UBR1: variants seen among roughly 807,000 people sequenced by gnomAD.
The protein encoded by UBR1 is E3 ubiquitin-protein ligase UBR1.
UBR1 carries 102 observed loss-of-function variants against 242.1 expected under a neutral mutation model. The observed-to-expected ratio is 0.42, with a 90% CI of 0.36 to 0.50. UBR1 has a LOEUF of 0.50. Among genes scored for constraint, UBR1 ranks in the 20% least tolerant of loss-of-function variants. UBR1 has a pLI of 0.01. For synonymous variants in UBR1, 675 were observed against 684.8 expected, an observed-to-expected ratio of 0.99 and a Z score of 0.22; for missense variants, 1,772 against 2,101.8, an observed-to-expected ratio of 0.84 and a Z score of 3.07.
chr15:43,083,621 A>G (rs1001066529), intron 2 of UBR1, among the ~76,000 whole-genome samples: 23 of 151,916 alleles, frequency 1.5e-4, no homozygotes, highest in Admixed American at 3.3e-4. Flanking sequence ...ACCTCAAGTG[A>G]TCTGCCCACC....
chr15:42,966,514 C>G (rs938461656), intron 40 of UBR1, among the ~76,000 whole-genome samples: 2 of 151,972 alleles, frequency 1.3e-5, no homozygotes, highest in Admixed American at 1.3e-4. Context: ...TGGCAAAACC[C>G]CAGTCTCTAC....
Position 43,082,622 on chromosome 15 carries a change from G to C in UBR1, c.417+16C>G. 3 of 1,606,796 alleles carry C rather than the reference G, an allele frequency of 1.9e-6. No homozygotes were observed. Among genetic ancestry groups the C allele is most frequent in the Non-Finnish European group, 2.6e-6 (3 of 1,173,698 alleles). ...AGATTCCTGCTTATTCAGAGGTTAT[G>C]GTTATATTTTCTTACCTTGTAACGA... On this transcript the variant is annotated intron_variant, in intron 3 of 46. Transcript: ENST00000290650.
At chr15:42,976,591 T>TA (rs200515687) in intron 39 of UBR1, 126 bp downstream of exon 39, 3 of 1,262,976 alleles carry the variant, frequency 2.4e-6, no homozygotes, top group Non-Finnish European at 3.4e-6. Flanking sequence ...AAAAAACAGA[T>TA]AATCATTCAA....
chr15:43,085,854 T>G (rs1270168749), intron 2 of UBR1, 130 bp downstream of exon 2: 1 of 977,518 alleles, frequency 1.0e-6, no homozygotes, highest in Non-Finnish European at 1.5e-6. Context: ...AGGCAGAGGT[T>G]GCAGTGACGT....
At chr15:43,014,325 G>A (rs1379459283) in intron 29 of UBR1, among the ~76,000 whole-genome samples, 15 of 151,698 alleles carry the variant, frequency 9.9e-5, no homozygotes, top group Admixed American at 6.6e-4. Context: ...AGTGAGGAGC[G>A]TCTCTGCCTG....
At chr15:43,100,959 G>A (rs2034227077) in intron 1 of UBR1, among the ~76,000 whole-genome samples, 1 of 152,238 alleles carries the variant, frequency 6.6e-6, no homozygotes, top group Admixed American at 6.5e-5. Flanking sequence ...ATTACAGATT[G>A]TAATAATTGA....
chr15:43,102,768 A>AT (rs1164328253), intron 1 of UBR1, among the ~76,000 whole-genome samples: 1 of 151,236 alleles, frequency 6.6e-6, no homozygotes, highest in African/African-American at 2.5e-5. Flanking sequence ...TCATTCTTCC[A>AT]TTTTCCACCC....
intron 15 of UBR1, 37 bp downstream of exon 15, chr15:43,043,178 T>G (rs746750000): frequency 6.8e-6 from 11 of 1,608,998 alleles, no homozygotes; most frequent in Non-Finnish European, 8.5e-6. Flanking sequence ...GAAAGAAAGC[T>G]AATAGGTATA....
In UBR1 at chr15:43,036,187, T is replaced by G. The variant is rs1328084598; in HGVS notation, c.2181A>C (p.Thr727=). 1 of 1,612,274 alleles carries G rather than the reference T, an allele frequency of 6.2e-7. No individual in the cohort carries two copies. Among genetic ancestry groups the G allele is most frequent in the Non-Finnish European group, 8.5e-7 (1 of 1,178,432 alleles). The change falls in exon 19 of 47, where the codon ACA becomes ACC. Residue 727 remains threonine, a synonymous_variant. Coordinates refer to ENST00000290650, the MANE Select transcript of UBR1 (RefSeq NM_174916.3). The part of the protein sequence containing the change: ...LAEAFNKTIS[T]KDQDLIKQYN... ...TTTACAGGTTGTATACCTGGTCTTT[T>G]GTAGATATGGTCTTGTTAAAAGCCT...
chr15:43,099,070 C>T (rs1308499158), intron 1 of UBR1, among the ~76,000 whole-genome samples: 1 of 152,190 alleles, frequency 6.6e-6, no homozygotes, highest in Non-Finnish European at 1.5e-5. Flanking sequence ...GGCACGGTGG[C>T]TCACATCTGT....
At chr15:43,027,366 G>A (rs2033191340) in intron 22 of UBR1, among the ~76,000 whole-genome samples, 1 of 151,940 alleles carries the variant, frequency 6.6e-6, no homozygotes, top group Admixed American at 6.6e-5. Flanking sequence ...AATTAAATTT[G>A]TATTTCCATT....
At chr15:43,053,343 A>T (rs2033578793) in intron 12 of UBR1, among the ~76,000 whole-genome samples, 1 of 152,212 alleles carries the variant, frequency 6.6e-6, no homozygotes, top group African/African-American at 2.4e-5. Flanking sequence ...ACTTAACTGG[A>T]TATAAAAATA....
Position 43,007,203 on chromosome 15 carries a change from C to T in UBR1, c.3291G>A (p.Thr1097=), listed in dbSNP as rs200204694. The T allele has an allele frequency of 2.7e-5, 43 of 1,613,932 alleles. No individual in the cohort carries two copies. The highest frequency in any genetic ancestry group is 1.6e-4 in the Middle Eastern group (1 of 6,084). ...CCTGTTCTTCTTGGCAAAGGATGCACGTCAGCACCTCCTTTTCAGTAACAG... is the reference window on the plus strand; with the variant it reads ...CCTGTTCTTCTTGGCAAAGGATGCATGTCAGCACCTCCTTTTCAGTAACAG... The part of the protein sequence containing the change: ...GPSVTEKEVL[T]CILCQEEQEV... Residue 1097 remains threonine, a synonymous_variant, in exon 30 of 47, where the codon ACG becomes ACA. Coordinates refer to ENST00000290650, the MANE Select transcript of UBR1 (RefSeq NM_174916.3).
intron 1 of UBR1, among the ~76,000 whole-genome samples, chr15:43,102,808 A>G (rs1295956898): frequency 1.3e-5 from 2 of 151,872 alleles, no homozygotes; most frequent in Admixed American, 6.6e-5. Flanking sequence ...TCTCTTTCTC[A>G]TCATCTCTGT....
intron 14 of UBR1, among the ~76,000 whole-genome samples, chr15:43,046,568 T>TGAA (rs1252533671): frequency 2.6e-5 from 4 of 151,988 alleles, no homozygotes; most frequent in African/African-American, 7.3e-5. Flanking sequence ...AGACCAATAG[T>TGAA]GAAGACGCAG....
At chr15:42,998,391 T>G (rs1468429524) in intron 32 of UBR1, 126 bp from the exon 33 acceptor site, 2 of 832,024 alleles carry the variant, frequency 2.4e-6, no homozygotes, top group Non-Finnish European at 3.9e-6. Flanking sequence ...ATTAATTTCC[T>G]AGGTCACAGA....
rs771499634 is a variant in UBR1, at chr15:43,059,692, G to A, written c.985+10C>T. 1.2e-6 allele frequency: 2 copies of A among 1,613,646 alleles called. No homozygotes were observed. The highest frequency in any genetic ancestry group is 1.7e-5 in the Admixed American group (1 of 60,002). ...TTATCAGAAACAAGAAAAACAGGAG[G>A]TATGCTTACTTGAATAGCTCATAAT... On this transcript the variant is annotated intron_variant, in intron 8 of 46. Coordinates refer to ENST00000290650, the MANE Select transcript of UBR1 (RefSeq NM_174916.3).
intron 30 of UBR1, among the ~76,000 whole-genome samples, chr15:43,005,631 C>T (rs1242267703): frequency 1.3e-5 from 2 of 152,100 alleles, no homozygotes; most frequent in Admixed American, 6.5e-5. Flanking sequence ...ATGACGATGG[C>T]GGTTTTGTGG....
chr15:43,102,966 C>T (rs922124661), intron 1 of UBR1, among the ~76,000 whole-genome samples: 4 of 152,130 alleles, frequency 2.6e-5, no homozygotes, highest in African/African-American at 4.8e-5. Context: ...GTCAGGAGTT[C>T]GAGACCAGCC....
Sources: allele counts gnomAD v4.1 joint callset (sites outside exome capture counted in the v4.1 genomes callset), GRCh38; gene constraint gnomAD v4.1.1; transcripts MANE v1.5; gene names NCBI Gene and HGNC (gene_info 2026-07-23, HGNC 2026-07-21).